LNX1: variants seen among roughly 807,000 people sequenced by gnomAD.
The protein encoded by LNX1 is E3 ubiquitin-protein ligase LNX.
A neutral mutation model predicts 68.4 loss-of-function variants in LNX1; 54 were observed. That is an observed-to-expected ratio of 0.79 (90% confidence interval 0.63 to 0.99). The LOEUF (loss-of-function observed/expected upper bound fraction) is 0.99, where lower values mean the gene tolerates loss of function less well. Among genes scored for constraint, LNX1 ranks in the 50% least tolerant of loss-of-function variants. The pLI is 0.00. For synonymous variants in LNX1, 336 were observed against 350.0 expected (o/e 0.96, Z 0.45); for missense variants, 906 against 926.4 (o/e 0.98, Z 0.29).
Position 53,501,307 on chromosome 4 carries a change from G to GCGGC in LNX1, c.776-2465_776-2464insGCCG, listed in dbSNP as rs1412817769. On this transcript the variant is annotated intron_variant, in intron 4 of 10. Transcript: ENST00000263925. ...TTTTTTTTTTTTTTTTTTGGGGGTG[G>GCGGC]GGGGACAGGATCTCACTCTGTCACC... is the stretch of plus-strand genomic sequence containing the variant. Among the ~76,000 whole-genome samples the GCGGC allele has an allele frequency of 6.7e-5, 8 of 119,294 alleles. 2 individuals carry two copies. The highest frequency in any genetic ancestry group is 1.4e-4 in the Non-Finnish European group (8 of 56,108). The allele number at this position is 119,294 out of a possible 152,430, so 78.3% of individuals were successfully genotyped here.
chr4:53,478,379 C>G (rs1459842947), intron 8 of LNX1, among the ~76,000 whole-genome samples, 186 bp downstream of exon 8: 1 of 150,264 alleles, frequency 6.7e-6, no homozygotes, highest in African/African-American at 2.5e-5. Context: ...AGTTGGCCTG[C>G]AACTAAGAAA....
chr4:53,652,020 T>TGTGAGAGAGAGAGAGACAGA, intron 1 of LNX1: 1 of 107,000 alleles, frequency 9.3e-6, no homozygotes, highest in African/African-American at 3.9e-5. Context: ...TGTGTGTGTG[T>TGTGAGAGAGAGAGAGACAGA]GAGAGAGAGA....
chr4:53,515,646 G>C (rs550695506), intron 2 of LNX1, among the ~76,000 whole-genome samples: 3 of 152,248 alleles, frequency 2.0e-5, no homozygotes, highest in African/African-American at 7.2e-5. Context: ...TAAAACTGAA[G>C]GGTAATGACC....
chr4:53,572,428 G>C (rs1731226271), intron 2 of LNX1, among the ~76,000 whole-genome samples: 1 of 152,170 alleles, frequency 6.6e-6, no homozygotes. Flanking sequence ...TGGAAAACAT[G>C]TGCTAAGCAT....
chr4:53,612,171 A>C (rs1733521768), intron 2 of LNX1, among the ~76,000 whole-genome samples: 1 of 152,230 alleles, frequency 6.6e-6, no homozygotes, highest in Non-Finnish European at 1.5e-5. Flanking sequence ...CAAATTGAAC[A>C]AACAATAAGA....
chr4:53,478,663 A>G lies in LNX1; in HGVS notation c.1565T>C (p.Val522Ala). ...TTCTCTATGTGATGCTCCCCCTGCG[A>G]CGGTCATGCCGAGAGATTCACCGGG... Reference protein sequence around the residue: ...KDPGESLGMTVAGGASHREWD... With the variant: ...KDPGESLGMTAAGGASHREWD... The change falls in exon 8 of 11, where the codon GTC becomes GCC. Residue 522 changes from valine (V) to alanine (A), a missense_variant. Physicochemically the swap from Val to Ala is moderately conservative, Grantham distance 64. Transcript: ENST00000263925. The G allele has an allele frequency of 1.2e-6, 2 of 1,614,148 alleles. No homozygotes were observed. The highest frequency in any genetic ancestry group is 1.7e-6 in the Non-Finnish European group (2 of 1,180,022).
At chr4:53,567,252 T>C (rs1312029968) in intron 2 of LNX1, among the ~76,000 whole-genome samples, 1 of 145,562 alleles carries the variant, frequency 6.9e-6, no homozygotes, top group African/African-American at 2.6e-5. Context: ...GAAGTAAAGC[T>C]CTCCTCAGCA....
intron 4 of LNX1, chr4:53,501,792 G>A (rs1365618657): frequency 6.6e-6 from 1 of 152,162 alleles, no homozygotes; most frequent in African/African-American, 2.4e-5. Context: ...ATGCTGTGAC[G>A]ACATTGATAC....
intron 6 of LNX1, among the ~76,000 whole-genome samples, chr4:53,482,321 G>A (rs1209231806): frequency 6.6e-6 from 1 of 152,172 alleles, no homozygotes; most frequent in Non-Finnish European, 1.5e-5. Context: ...TCCTGAGCCT[G>A]ACACTTGCAA....
intron 2 of LNX1, among the ~76,000 whole-genome samples, chr4:53,515,788 T>A (rs1279756668): frequency 6.6e-6 from 1 of 152,184 alleles, no homozygotes; most frequent in Non-Finnish European, 1.5e-5. Flanking sequence ...AAGCACATGC[T>A]TTCACTTCTA....
intron 1 of LNX1, among the ~76,000 whole-genome samples, chr4:53,647,957 G>T (rs904532055): frequency 3.3e-5 from 5 of 152,212 alleles, no homozygotes; most frequent in African/African-American, 9.7e-5. Flanking sequence ...TCCTTTTTAA[G>T]GCTGAATTTA....
chr4:53,569,846 G>C (rs1373587774), intron 2 of LNX1, among the ~76,000 whole-genome samples: 1 of 134,778 alleles, frequency 7.4e-6, no homozygotes, highest in South Asian at 2.7e-4. Flanking sequence ...ATCAAAAAGT[G>C]GGCGAAGGAC....
chr4:53,496,532 G>A (rs755283866), intron 5 of LNX1, 138 bp from the exon 6 acceptor site: 47 of 1,087,894 alleles, frequency 4.3e-5, no homozygotes, highest in Non-Finnish European at 4.7e-5. Flanking sequence ...TCCAATAACC[G>A]CACCTTCCAA....
chr4:53,628,481 A>T (rs1224758390), intron 1 of LNX1, among the ~76,000 whole-genome samples: 1 of 152,188 alleles, frequency 6.6e-6, no homozygotes, highest in African/African-American at 2.4e-5. Context: ...TTAAGAGGTC[A>T]AAAAAACAGT....
chr4:53,640,840 G>A (rs1182156073), intron 1 of LNX1, among the ~76,000 whole-genome samples: 8 of 152,348 alleles, frequency 5.3e-5, no homozygotes, highest in African/African-American at 1.4e-4. Flanking sequence ...TCTCACAAGA[G>A]GTTTTGAAAA....
At chr4:53,593,945 T>G (rs1043407301), upstream of LNX1, 1 of 151,958 alleles carries the variant, frequency 6.6e-6, no homozygotes, top group African/African-American at 2.4e-5. Flanking sequence ...TTTTAACCAC[T>G]GGAAAGAAAA....
chr4:53,472,414 C>G (rs1367954994), intron 9 of LNX1, among the ~76,000 whole-genome samples: 1 of 151,854 alleles, frequency 6.6e-6, no homozygotes, highest in South Asian at 2.1e-4. Flanking sequence ...GTGCAGCACA[C>G]CAGCATGGCA....
intron 2 of LNX1, among the ~76,000 whole-genome samples, chr4:53,532,046 G>A (rs1201580448): frequency 6.6e-6 from 1 of 152,202 alleles, no homozygotes; most frequent in Non-Finnish European, 1.5e-5. Context: ...GACACCCCAA[G>A]CATCTATTCA....
upstream of LNX1, chr4:53,593,078 T>C (rs1732587587): frequency 6.6e-6 from 1 of 152,254 alleles, no homozygotes; most frequent in African/African-American, 2.4e-5. Flanking sequence ...CTAAGGTAGG[T>C]GTGGCTATTC....
Sources: allele counts gnomAD v4.1 joint callset (sites outside exome capture counted in the v4.1 genomes callset), GRCh38; gene constraint gnomAD v4.1.1; transcripts MANE v1.5; gene names NCBI Gene and HGNC (gene_info 2026-07-23, HGNC 2026-07-21).